The following KIF15 variants were observed in gnomAD, a reference collection of about 807,000 sequenced individuals.
The protein encoded by KIF15 is kinesin-like protein KIF15.
KIF15 carries 140 observed loss-of-function variants against 190.6 expected under a neutral mutation model. The ratio of observed to expected loss-of-function variants is 0.73; its 90% CI spans 0.64 to 0.84. The LOEUF (loss-of-function observed/expected upper bound fraction) is 0.84. KIF15 is among the 40% of genes least tolerant of loss of function. KIF15 has a pLI of 0.00. For synonymous variants in KIF15, 528 were observed against 551.3 expected, an observed-to-expected ratio of 0.96 and a Z score of 0.59; for missense variants, 1,372 against 1,584.4, an observed-to-expected ratio of 0.87 and a Z score of 2.28.
chr3:44,764,670 GCT>G (rs1447294189), intron 1 of KIF15, among the ~76,000 whole-genome samples: 1 of 152,068 alleles, frequency 6.6e-6, no homozygotes, highest in Non-Finnish European at 1.5e-5. Flanking sequence ...ACAGAGTCTT[GCT>G]CTGTCACCCA....
intron 20 of KIF15, among the ~76,000 whole-genome samples, chr3:44,816,583 T>C (rs1473976840): frequency 6.6e-6 from 1 of 152,240 alleles, no homozygotes; most frequent in African/African-American, 2.4e-5. Flanking sequence ...TCCTTTTTTA[T>C]GGCTGCATAG....
chr3:44,857,145 T>C (rs1699197663), downstream of KIF15, among the ~76,000 whole-genome samples: 2 of 152,134 alleles, frequency 1.3e-5, no homozygotes, highest in South Asian at 2.1e-4. Context: ...GATACAGTCA[T>C]GGGGGTCTAG....
intron 32 of KIF15, among the ~76,000 whole-genome samples, chr3:44,849,490 A>T (rs1187350513): frequency 6.6e-6 from 1 of 152,094 alleles, no homozygotes; most frequent in Non-Finnish European, 1.5e-5. Context: ...AAATTTTTTT[A>T]AAAAGAGAAA....
intron 26 of KIF15, 125 bp from the exon 27 acceptor site, chr3:44,838,150 C>A: frequency 2.1e-6 from 2 of 939,534 alleles, no homozygotes; most frequent in Non-Finnish European, 3.2e-6. Context: ...GATTAGCACA[C>A]AAGCAAAAGA....
chr3:44,850,902 G>T (rs1357324552), intron 32 of KIF15, among the ~76,000 whole-genome samples: 1 of 152,156 alleles, frequency 6.6e-6, no homozygotes, highest in Non-Finnish European at 1.5e-5. Flanking sequence ...CTAGAAATTA[G>T]CTGGCCTTGA....
intron 18 of KIF15, among the ~76,000 whole-genome samples, chr3:44,812,588 A>G (rs188374373): frequency 1.8e-4 from 28 of 152,338 alleles, no homozygotes; most frequent in Admixed American, 1.6e-3. Context: ...ACCAAGATGG[A>G]CTGTCCATGG....
At chr3:44,860,430 G>A (rs892640453) in intron 6 of KIF15, among the ~76,000 whole-genome samples, 1 of 152,102 alleles carries the variant, frequency 6.6e-6, no homozygotes, top group African/African-American at 2.4e-5. Context: ...GAGGGCAGTG[G>A]TGCAATTTCG....
At chr3:44,816,120 A>T (rs2125667471) in intron 20 of KIF15, among the ~76,000 whole-genome samples, 1 of 152,358 alleles carries the variant, frequency 6.6e-6, no homozygotes, top group South Asian at 2.1e-4. Flanking sequence ...ATAGTTTCAT[A>T]AAAGAGAAAG....
In KIF15 at chr3:44,828,237, A is replaced by G. The variant is rs1697783788; in HGVS notation, c.2880A>G (p.Glu960=). The G allele has an allele frequency of 2.5e-6, 4 of 1,613,610 alleles. No homozygotes were observed. Among genetic ancestry groups the G allele is most frequent in the Middle Eastern group, 1.7e-4 (1 of 6,060 alleles). ...EQQMAKVQKL[E]ESLLATEKVI... ...AGATGGCAAAAGTACAGAAACTAGA[A>G]GAGAGCTTGCTTGCTACTGAAAAAG... Residue 960 remains glutamate, a synonymous_variant, in exon 24 of 35, where the codon GAA becomes GAG. Transcript: ENST00000326047.
At chr3:44,810,144 C>G (rs546292313) in intron 16 of KIF15, among the ~76,000 whole-genome samples, 4 of 152,252 alleles carry the variant, frequency 2.6e-5, no homozygotes, top group Non-Finnish European at 4.4e-5. Flanking sequence ...AGCTAATGTA[C>G]TGTTTTAATA....
intron 3 of KIF15, among the ~76,000 whole-genome samples, chr3:44,776,990 A>ATT (rs371067828): frequency 0.072 from 8,400 of 116,792 alleles, 632 homozygotes; most frequent in African/African-American, 0.14. Context: ...AACATCACAG[A>ATT]TTTTTTTTTT....
At chr3:44,824,408 AGTC>A (rs1054189097) in intron 20 of KIF15, among the ~76,000 whole-genome samples, 9 of 152,092 alleles carry the variant, frequency 5.9e-5, no homozygotes, top group African/African-American at 1.7e-4. Context: ...CCCAGCACCA[AGTC>A]CACTTATCTA....
Position 44,774,381 on chromosome 3 carries a change from T to G in KIF15, c.20-14T>G, listed in dbSNP as rs1423110797. ...ACAATTTAAATGACCTTTAATAACT[T>G]TTTTTTTTTCTAGCTGAGTTACGCA... On this transcript the variant is annotated splice_polypyrimidine_tract_variant and intron_variant, in intron 1 of 34. Transcript: ENST00000326047. The G allele has an allele frequency of 6.3e-7, 1 of 1,594,328 alleles. No individual in the cohort carries two copies. The highest frequency in any genetic ancestry group is 2.2e-5 in the East Asian group (1 of 44,526).
chr3:44,780,804 A>C, intron 4 of KIF15, 81 bp from the exon 5 acceptor site: 1 of 875,858 alleles, frequency 1.1e-6, no homozygotes, highest in Non-Finnish European at 1.8e-6. Context: ...TTGTGGAGAA[A>C]ACTTATACAC....
At chr3:44,851,404 T>C (rs1173690286) in intron 32 of KIF15, among the ~76,000 whole-genome samples, 3 of 152,244 alleles carry the variant, frequency 2.0e-5, no homozygotes, top group Non-Finnish European at 2.9e-5. Context: ...AAATGACTGG[T>C]GTCCCACTGT....
chr3:44,820,925 G>T (rs575857205), intron 20 of KIF15, among the ~76,000 whole-genome samples: 1 of 151,242 alleles, frequency 6.6e-6, no homozygotes. Context: ...CAGTAGGGGC[G>T]GCCGGGCAGA....
At chr3:44,858,910 G>A (rs150498713) in intron 6 of KIF15, among the ~76,000 whole-genome samples, 1 of 152,204 alleles carries the variant, frequency 6.6e-6, no homozygotes, top group Non-Finnish European at 1.5e-5. Context: ...ACGGTCCAGG[G>A]GGCCTCCAAG....
At chr3:44,779,979 A>T (rs1406814847) in intron 4 of KIF15, among the ~76,000 whole-genome samples, 1 of 152,122 alleles carries the variant, frequency 6.6e-6, no homozygotes, top group Non-Finnish European at 1.5e-5. Flanking sequence ...GGGGCATTTA[A>T]TGAAAAAGTA....
chr3:44,817,319 C>T (rs1295690994), intron 20 of KIF15, among the ~76,000 whole-genome samples: 1 of 152,104 alleles, frequency 6.6e-6, no homozygotes, highest in Non-Finnish European at 1.5e-5. Context: ...TTTGCCCATG[C>T]GTATGTCTTG....
Sources: gnomAD v4.1 joint callset for allele counts (sites outside exome capture counted in the v4.1 genomes callset) on GRCh38, gnomAD v4.1.1 for gene constraint, MANE v1.5 for transcripts, NCBI Gene and HGNC (gene_info 2026-07-23, HGNC 2026-07-21) for gene names.